The following EGF variants were observed in gnomAD, a reference collection of about 807,000 sequenced individuals.
EGF encodes the protein epidermal growth factor, also known as pro-epidermal growth factor.
EGF carries 95 observed loss-of-function variants against 143.8 expected under a neutral mutation model. The observed-to-expected ratio is 0.66, with a 90% CI of 0.56 to 0.78. The LOEUF (loss-of-function observed/expected upper bound fraction) is 0.78. Among genes scored for constraint, EGF ranks in the 30% least tolerant of loss-of-function variants. The pLI is 0.00. For missense variants in EGF, 1,320 were observed against 1,470.9 expected (o/e 0.90, Z 1.68); for synonymous variants, 510 against 510.5 (o/e 1.00, Z 0.01).
intron 5 of EGF, among the ~76,000 whole-genome samples, chr4:109,946,692 C>T (rs947888452): frequency 1.3e-5 from 2 of 151,968 alleles, no homozygotes; most frequent in Non-Finnish European, 2.9e-5. Flanking sequence ...TTTTTTTAGC[C>T]ACCATATATA....
At chr4:109,990,895 A>G (rs1265960807) in intron 18 of EGF, among the ~76,000 whole-genome samples, 1 of 152,138 alleles carries the variant, frequency 6.6e-6, no homozygotes, top group East Asian at 1.9e-4. Context: ...CACCCTTATG[A>G]CCCCATGTAA....
chr4:109,914,155 C>T (rs947306951), intron 1 of EGF, among the ~76,000 whole-genome samples: 2 of 152,162 alleles, frequency 1.3e-5, no homozygotes, highest in Non-Finnish European at 2.9e-5. Context: ...ATGCGAATTA[C>T]AATCCTGCCA....
At chr4:109,958,419 C>T (rs1250101067) in intron 5 of EGF, among the ~76,000 whole-genome samples, 2 of 152,128 alleles carry the variant, frequency 1.3e-5, no homozygotes, top group Non-Finnish European at 2.9e-5. Context: ...TTCAATATAG[C>T]TGGCTAATTC....
At chr4:109,956,554 T>C (rs946804078) in intron 5 of EGF, among the ~76,000 whole-genome samples, 1 of 152,202 alleles carries the variant, frequency 6.6e-6, no homozygotes, top group Non-Finnish European at 1.5e-5. Context: ...TTTACAAGTT[T>C]CTAATTTTAG....
Position 109,970,738 on chromosome 4 carries a change from T to C in EGF, c.1724+1619T>C, listed in dbSNP as rs751725715. Among the ~76,000 whole-genome samples the C allele has an allele frequency of 2.2e-4, 31 of 142,810 alleles. 1 individual carries two copies. Among genetic ancestry groups the C allele is most frequent in the South Asian group, 8.9e-4 (4 of 4,488 alleles). 93.7% of individuals were successfully genotyped at this position (142,810 alleles called of 152,430 possible). Reference sequence around the variant, plus strand: ...TACTCAGGAGGCTGAGGCAGGAGAATGGCGTGAACCTGGAAGGCGGAGCTT... The same window carrying C: ...TACTCAGGAGGCTGAGGCAGGAGAACGGCGTGAACCTGGAAGGCGGAGCTT... On this transcript the variant is annotated intron_variant, in intron 11 of 23. Coordinates refer to ENST00000265171, the MANE Select transcript of EGF (RefSeq NM_001963.6).
Position 110,005,036 on chromosome 4 carries a change from CTTTTTTTTT to C in EGF, c.3291+430_3291+438del, listed in dbSNP as rs538062029. On this transcript the variant is annotated intron_variant, in intron 22 of 23. Coordinates refer to ENST00000265171, the MANE Select transcript of EGF (RefSeq NM_001963.6). ...TTCTTTTCTTTTTCTTTTTCTCTGT[CTTTTTTTTT>C]TTTTTTTTTTTTTTTGGACAGGATC... is the stretch of plus-strand genomic sequence containing the variant. Among the ~76,000 whole-genome samples, 35 of 80,738 alleles carry C rather than the reference CTTTTTTTTT, an allele frequency of 4.3e-4. 1 individual carries two copies. The South Asian group carries it at 6.5e-3, about 15-fold the overall frequency. 53.0% of individuals were successfully genotyped at this position (80,738 alleles called of 152,430 possible). A position where few individuals can be genotyped will look rare whatever the true frequency, so the allele number is the denominator to read the frequency against.
chr4:109,913,543 G>C (rs1473284520), intron 1 of EGF, 81 bp downstream of exon 1: 2 of 1,568,860 alleles, frequency 1.3e-6, no homozygotes, highest in South Asian at 1.2e-5. Context: ...GGTATACTTG[G>C]GCATTTAACA....
intron 1 of EGF, among the ~76,000 whole-genome samples, chr4:109,921,212 T>C (rs1014710940): frequency 2.6e-5 from 4 of 151,022 alleles, no homozygotes; most frequent in African/African-American, 9.9e-5. Context: ...TAAGAGCATC[T>C]TCCAGAGCTT....
At chr4:109,939,982 C>A (rs1159608272) in intron 1 of EGF, among the ~76,000 whole-genome samples, 1 of 152,102 alleles carries the variant, frequency 6.6e-6, no homozygotes, top group Non-Finnish European at 1.5e-5. Flanking sequence ...AGAGAGAGAC[C>A]AAGAAAACTA....
intron 13 of EGF, chr4:109,977,551 C>T (rs556051128): frequency 6.6e-6 from 1 of 151,458 alleles, no homozygotes; most frequent in Non-Finnish European, 1.5e-5. Flanking sequence ...AAAAAAAAAT[C>T]ATCCAGGCTG....
At chr4:109,983,334 C>A (rs6824759) in intron 15 of EGF, 88 bp from the exon 16 acceptor site, 5 of 1,460,594 alleles carry the variant, frequency 3.4e-6, no homozygotes, top group Non-Finnish European at 4.7e-6. Flanking sequence ...AACTCACAAC[C>A]AATGAATAGT....
chr4:110,003,709 CT>C (rs530047786), intron 21 of EGF, among the ~76,000 whole-genome samples: 68 of 151,686 alleles, frequency 4.5e-4, no homozygotes, highest in African/African-American at 1.4e-3. Context: ...ACCCCCACCC[CT>C]AGTGAATGAC....
intron 1 of EGF, among the ~76,000 whole-genome samples, chr4:109,926,134 G>C (rs1402334641): frequency 1.3e-5 from 2 of 152,114 alleles, no homozygotes; most frequent in African/African-American, 4.8e-5. Flanking sequence ...CAGGAGGATT[G>C]CTTGAGGCCA....
At chr4:109,949,054 A>G (rs1417153661) in intron 5 of EGF, among the ~76,000 whole-genome samples, 1 of 152,140 alleles carries the variant, frequency 6.6e-6, no homozygotes, top group African/African-American at 2.4e-5. Flanking sequence ...TTATCAAAGC[A>G]TGCTCTACAA....
chr4:109,944,371 G>A (rs1004543093), intron 4 of EGF, among the ~76,000 whole-genome samples: 1 of 152,118 alleles, frequency 6.6e-6, no homozygotes, highest in Non-Finnish European at 1.5e-5. Flanking sequence ...CCCGGGAGGC[G>A]GAGCTTGCAG....
At chr4:109,937,707 G>A (rs1741100286) in intron 1 of EGF, among the ~76,000 whole-genome samples, 1 of 152,098 alleles carries the variant, frequency 6.6e-6, no homozygotes, top group Non-Finnish European at 1.5e-5. Flanking sequence ...AGGCAGGCCT[G>A]GTGGTGACAA....
chr4:109,929,711 A>G (rs1177596140), intron 1 of EGF, among the ~76,000 whole-genome samples: 1 of 147,644 alleles, frequency 6.8e-6, no homozygotes, highest in Non-Finnish European at 1.5e-5. Flanking sequence ...TGAGTTCCAG[A>G]GCATTTTTTT....
At chr4:109,979,515 A>G (rs1342559221) in intron 13 of EGF, among the ~76,000 whole-genome samples, 1 of 152,190 alleles carries the variant, frequency 6.6e-6, no homozygotes, top group Non-Finnish European at 1.5e-5. Flanking sequence ...AATTACCTCA[A>G]ATTTTGAAAA....
intron 1 of EGF, among the ~76,000 whole-genome samples, chr4:109,923,912 C>T (rs753006536): frequency 8.6e-5 from 13 of 151,508 alleles, no homozygotes; most frequent in South Asian, 2.1e-4. Flanking sequence ...TGAGCCACCA[C>T]GCCTGGCCTA....
Sources: gnomAD v4.1 joint callset for allele counts (sites outside exome capture counted in the v4.1 genomes callset) on GRCh38, gnomAD v4.1.1 for gene constraint, MANE v1.5 for transcripts, NCBI Gene and HGNC (gene_info 2026-07-23, HGNC 2026-07-21) for gene names.